Variants in RGS9 observed in about 807,000 individuals in gnomAD.
RGS9 encodes regulator of G-protein signalling 9.
RGS9 carries 78 observed loss-of-function variants against 102.0 expected under a neutral mutation model. That is an observed-to-expected ratio of 0.76 (90% CI 0.64 to 0.92). RGS9 has a LOEUF of 0.92. Ranked by LOEUF, RGS9 falls within the 40% of genes least tolerant of loss-of-function variation. RGS9 has a pLI of 0.00. For synonymous variants in RGS9, 353 were observed against 318.6 expected, an observed-to-expected ratio of 1.11 and a Z score of -1.15; for missense variants, 833 against 866.1, an observed-to-expected ratio of 0.96 and a Z score of 0.48.
At position 65,227,528 on chromosome 17, in the gene RGS9, T is replaced by C. The variant is rs773387917; in HGVS notation, c.*121T>C. On this transcript the variant is annotated 3_prime_UTR_variant, in exon 19 of 19. Transcript: ENST00000262406. ...AGTGCATTTGGGTGACATTTGAAGA[T>C]TGGGGAGACAAGATGGGGTAGATTG... The C allele has an allele frequency of 1.1e-4, 152 of 1,361,736 alleles. No individual in the cohort carries two copies. The highest frequency in any genetic ancestry group is 3.8e-4 in the South Asian group (30 of 79,718). 84.4% of individuals were successfully genotyped at this position (1,361,736 alleles called of 1,614,324 possible).
rs530294900 is a variant in RGS9 at position 65,196,974 on chromosome 17, A to G, written c.861-152A>G. ...TGTCTGTGGCTGCATCTTCCTAGCA[A>G]GTGATTACTTGGCTTGTGTGTTATG... is the stretch of plus-strand genomic sequence containing the variant. On this transcript the variant is annotated intron_variant, in intron 12 of 18. Transcript: ENST00000262406. 8 of 683,644 alleles carry G rather than the reference A, an allele frequency of 1.2e-5. No homozygotes were observed. The African/African-American group carries it at 1.2e-4, about 11-fold the overall frequency. The allele number at this position is 683,644 out of a possible 1,614,324, so 42.3% of individuals were successfully genotyped here. A position where few individuals can be genotyped will look rare whatever the true frequency, so the allele number is the denominator to read the frequency against.
rs1317034965 is a variant in RGS9, at chr17:65,227,431, G to T, written c.*24G>T. 3 of 1,604,794 alleles carry T rather than the reference G, an allele frequency of 1.9e-6. No individual in the cohort carries two copies. The highest frequency in any genetic ancestry group is 3.4e-5 in the Admixed American group (2 of 58,206). On this transcript the variant is annotated 3_prime_UTR_variant, in exon 19 of 19. Transcript: ENST00000262406. ...AAGGAAAGAGGCAGGCTGAGCTGGG[G>T]GCTCTGGACCAGGAAGATGCTCTGA... is the stretch of plus-strand genomic sequence containing the variant.
chr17:65,150,159 C>G (rs1236736925), intron 1 of RGS9, among the ~76,000 whole-genome samples: 1 of 152,178 alleles, frequency 6.6e-6, no homozygotes, highest in Non-Finnish European at 1.5e-5. Flanking sequence ...CACGCAGCAG[C>G]CCAGACCTCA....
At chr17:65,227,226 C>T (rs1365648700) in intron 18 of RGS9, 49 bp from the exon 19 acceptor site, 1 of 1,612,958 alleles carries the variant, frequency 6.2e-7, no homozygotes, top group African/African-American at 1.3e-5. Flanking sequence ...GAGGTGCAGT[C>T]CCTCCTGCCC....
At chr17:65,180,250 G>C (rs1911821471) in intron 9 of RGS9, among the ~76,000 whole-genome samples, 1 of 152,176 alleles carries the variant, frequency 6.6e-6, no homozygotes, top group Admixed American at 6.5e-5. Flanking sequence ...GAGTGCAGAG[G>C]CTTTGGATTT....
chr17:65,152,915 C>T (rs1910634061), intron 1 of RGS9, among the ~76,000 whole-genome samples: 1 of 152,208 alleles, frequency 6.6e-6, no homozygotes, highest in African/African-American at 2.4e-5. Flanking sequence ...CTTCACACTT[C>T]AGTGTTCTTC....
At chr17:65,140,133 CG>C (rs1910100479) in intron 1 of RGS9, among the ~76,000 whole-genome samples, 1 of 152,166 alleles carries the variant, frequency 6.6e-6, no homozygotes, top group African/African-American at 2.4e-5. Context: ...AGAGGCTAAG[CG>C]GCTTGCCAGT....
Position 65,225,374 on chromosome 17 carries a change from C to T in RGS9, c.1780C>T (p.Pro594Ser), listed in dbSNP as rs776545254. ...TCTGAGACGAGGCTGTCTGGCCTCA[C>T]CTGTCTTTGCCAGGCTCTCACCCAA... is the stretch of plus-strand genomic sequence containing the variant. The part of the protein sequence containing the change: ...RFLRRGCLAS[P>S]VFARLSPKCP... The change falls in exon 18 of 19, where the codon CCT (proline) becomes TCT (serine). Residue 594 changes from proline (P) to serine (S), a missense_variant. Coordinates refer to ENST00000262406, the MANE Select transcript of RGS9 (RefSeq NM_003835.4). The T allele has an allele frequency of 6.2e-7, 1 of 1,612,008 alleles. No homozygotes were observed. Among genetic ancestry groups the T allele is most frequent in the African/African-American group, 1.3e-5 (1 of 75,072 alleles).
intron 13 of RGS9, among the ~76,000 whole-genome samples, chr17:65,201,130 C>CACAT (rs1912820674): frequency 6.6e-6 from 1 of 150,986 alleles, no homozygotes; most frequent in African/African-American, 2.5e-5. Context: ...GACACACACA[C>CACAT]ACTTGCTCTC....
rs1206965501 is a variant in RGS9, at chr17:65,225,259, G to GAGC, written c.1669_1671dup (p.Ser557dup). The GAGC allele has an allele frequency of 2.2e-5, 36 of 1,609,112 alleles. No individual in the cohort carries two copies. The highest frequency in any genetic ancestry group is 3.0e-5 in the Non-Finnish European group (35 of 1,179,982). ...CCCCCCGTGGGCCCTCTGTCACCGAGAGCAGCGAGGCCTCCCTCGACACCT... is the reference window on the plus strand; with the variant it reads ...CCCCCCGTGGGCCCTCTGTCACCGAGAGCAGCAGCGAGGCCTCCCTCGACACCT... On this transcript the variant is annotated inframe_insertion, in exon 18 of 19. Transcript: ENST00000262406.
intron 1 of RGS9, among the ~76,000 whole-genome samples, chr17:65,139,986 C>T (rs1467719927): frequency 6.6e-6 from 1 of 152,214 alleles, no homozygotes; most frequent in Non-Finnish European, 1.5e-5. Context: ...TGTCACTCAT[C>T]ACTCGTTCCA....
At chr17:65,159,451 T>C (rs534518567) in intron 3 of RGS9, among the ~76,000 whole-genome samples, 2 of 152,206 alleles carry the variant, frequency 1.3e-5, no homozygotes, top group East Asian at 3.9e-4. Context: ...ACTTTAGGAC[T>C]TGGTCTTTGA....
At chr17:65,203,521 G>A (rs576827624) in intron 14 of RGS9, among the ~76,000 whole-genome samples, 1 of 152,304 alleles carries the variant, frequency 6.6e-6, no homozygotes, top group Admixed American at 6.5e-5. Flanking sequence ...TAGAAAGGTA[G>A]GAAAATATTC....
intron 7 of RGS9, among the ~76,000 whole-genome samples, chr17:65,167,004 A>T (rs903996598): frequency 6.6e-6 from 1 of 152,132 alleles, no homozygotes; most frequent in Non-Finnish European, 1.5e-5. Flanking sequence ...CGTGTGCGTC[A>T]TCCCACGTTG....
rs182025232 is a variant in RGS9 at position 65,215,251 on chromosome 17, C to A, written c.1407+4646C>A. Among the ~76,000 whole-genome samples, 226 of 152,120 alleles carry A rather than the reference C, an allele frequency of 1.5e-3. 3 individuals are homozygous for A. The East Asian group carries it at 0.022, about 15-fold the overall frequency. ...AGATGCTGGAGGCAGGTGGATAGGACCCGATTGAAATGGGGTGATGTGGGG... is the reference window on the plus strand; with the variant it reads ...AGATGCTGGAGGCAGGTGGATAGGAACCGATTGAAATGGGGTGATGTGGGG... On this transcript the variant is annotated intron_variant, in intron 17 of 18. Transcript: ENST00000262406.
chr17:65,222,851 G>A (rs1213335640), intron 17 of RGS9, among the ~76,000 whole-genome samples: 1 of 152,188 alleles, frequency 6.6e-6, no homozygotes, highest in African/African-American at 2.4e-5. Flanking sequence ...CAGTGGGGCT[G>A]TGGTGGGGCC....
chr17:65,225,079 C>A lies in RGS9; in HGVS notation c.1485C>A (p.Pro495=). 6.2e-7 allele frequency: 1 copy of A among 1,614,064 alleles called. No individual in the cohort carries two copies. Among genetic ancestry groups the A allele is most frequent in the South Asian group, 1.1e-5 (1 of 91,092 alleles). ...GCATGCCCCCGTCTCCTTCTAGCCC[C>A]TTCTCCTCCTCCTGCCGCTCCCCCA... The part of the protein sequence containing the change: ...GTCMPPSPSS[P]FSSSCRSPRK... Residue 495 remains proline, a synonymous_variant, in exon 18 of 19, where the codon CCC becomes CCA. Coordinates refer to ENST00000262406, the MANE Select transcript of RGS9 (RefSeq NM_003835.4).
At chr17:65,141,921 G>A (rs1910171900) in intron 1 of RGS9, among the ~76,000 whole-genome samples, 1 of 152,248 alleles carries the variant, frequency 6.6e-6, no homozygotes, top group African/African-American at 2.4e-5. Flanking sequence ...CAAGTGTACA[G>A]GAAGTGAGTT....
At chr17:65,199,488 C>CT (rs3034101) in intron 13 of RGS9, among the ~76,000 whole-genome samples, 3,759 of 108,300 alleles carry the variant, frequency 0.035, 27 homozygotes, top group Non-Finnish European at 0.043. Context: ...GCTTCTGTTC[C>CT]TTTTTTTTTT....
Sources: allele counts gnomAD v4.1 joint callset (sites outside exome capture counted in the v4.1 genomes callset), GRCh38; gene constraint gnomAD v4.1.1; transcripts MANE v1.5; gene names NCBI Gene and HGNC (gene_info 2026-07-23, HGNC 2026-07-21).